Variants in TECPR2 observed in about 807,000 individuals in gnomAD.
The protein encoded by TECPR2 is tectonin beta-propeller repeat-containing protein 2.
TECPR2 carries 65 observed loss-of-function variants against 138.1 expected under a neutral mutation model. That is an observed-to-expected ratio of 0.47 (90% CI 0.39 to 0.58). The LOEUF is 0.58. TECPR2 is among the 20% of genes least tolerant of loss of function. The pLI, the probability that TECPR2 is intolerant of heterozygous loss-of-function variation, is 0.00. For synonymous variants in TECPR2, 746 were observed against 749.8 expected (o/e 0.99, Z 0.08); for missense variants, 1,553 against 1,824.5 (o/e 0.85, Z 2.71).
intron 5 of TECPR2, 33 bp from the exon 6 acceptor site, chr14:102,424,946 T>G: frequency 1.3e-6 from 2 of 1,577,176 alleles, no homozygotes; most frequent in East Asian, 4.5e-5. Flanking sequence ...CCATGTCTGT[T>G]TTTTGTTCTT....
At chr14:102,431,402 G>A (rs1441276860) in intron 7 of TECPR2, among the ~76,000 whole-genome samples, 1 of 148,596 alleles carries the variant, frequency 6.7e-6, no homozygotes, top group Non-Finnish European at 1.5e-5. Flanking sequence ...GAGTGCAGTG[G>A]CGCAATCTCG....
rs150820943 is a variant in TECPR2, at chr14:102,464,510, G to A, written c.3641-631G>A. 9.4e-3 allele frequency among the ~76,000 whole-genome samples: 1,427 copies of A among 151,886 alleles called. 20 individuals are homozygous for A. Among genetic ancestry groups the A allele is most frequent in the African/African-American group, 0.029 (1,206 of 41,428 alleles). ...TGGGCCCAACCGATCTCAGCCTCCC[G>A]AGTAGCTGGGACTACAGGTGTGTGC... On this transcript the variant is annotated intron_variant, in intron 16 of 19. Coordinates refer to ENST00000359520, the MANE Select transcript of TECPR2 (RefSeq NM_014844.5).
At chr14:102,398,452 A>G (rs1284549987) in intron 2 of TECPR2, among the ~76,000 whole-genome samples, 1 of 152,182 alleles carries the variant, frequency 6.6e-6, no homozygotes, top group East Asian at 1.9e-4. Flanking sequence ...AGCTTCCCAG[A>G]TTTGACGAGA....
chr14:102,448,027 T>A (rs990454858), intron 13 of TECPR2, among the ~76,000 whole-genome samples: 2 of 152,242 alleles, frequency 1.3e-5, no homozygotes, highest in Non-Finnish European at 2.9e-5. Context: ...CAGATGTATC[T>A]AATTTATATA....
intron 2 of TECPR2, among the ~76,000 whole-genome samples, chr14:102,401,884 A>G (rs372914764): frequency 7.9e-5 from 12 of 151,804 alleles, no homozygotes; most frequent in African/African-American, 2.7e-4. Flanking sequence ...AAGATATTCC[A>G]TGCAAATAGT....
At chr14:102,406,440 G>A (rs1001708022) in intron 2 of TECPR2, among the ~76,000 whole-genome samples, 2 of 152,204 alleles carry the variant, frequency 1.3e-5, no homozygotes, top group African/African-American at 4.8e-5. Flanking sequence ...CAGCTACTCA[G>A]TAGGCTGAGG....
At chr14:102,395,528 G>A (rs1404598523) in intron 2 of TECPR2, among the ~76,000 whole-genome samples, 3 of 152,194 alleles carry the variant, frequency 2.0e-5, no homozygotes, top group East Asian at 1.9e-4. Context: ...GGCCGGGCAC[G>A]GTGGCTCACG....
intron 17 of TECPR2, among the ~76,000 whole-genome samples, chr14:102,492,172 C>T (rs948248860): frequency 1.3e-5 from 2 of 152,244 alleles, no homozygotes; most frequent in Non-Finnish European, 2.9e-5. Context: ...GCTCTCCCAC[C>T]CTCTGAGACC....
intron 17 of TECPR2, among the ~76,000 whole-genome samples, chr14:102,472,064 T>G (rs917076361): frequency 6.6e-6 from 1 of 152,258 alleles, no homozygotes; most frequent in Non-Finnish European, 1.5e-5. Flanking sequence ...GGATGTGTTG[T>G]AGAAAGAACG....
At position 102,449,747 on chromosome 14, in the gene TECPR2, T is replaced by C. The variant is rs1890092010; in HGVS notation, c.3194T>C (p.Leu1065Pro). ...QAPVEKVADK[L>P]RMAFWSQQLQ... ...CCCGTAGAAAAGGTGGCAGATAAGCTGCGCATGGCGTTTTGGTCCCAGCAG... is the reference window on the plus strand; with the variant it reads ...CCCGTAGAAAAGGTGGCAGATAAGCCGCGCATGGCGTTTTGGTCCCAGCAG... The change falls in exon 14 of 20, where the codon CTG (leucine) becomes CCG (proline). Residue 1065 changes from leucine (L) to proline (P), a missense_variant. Physicochemically the swap from Leu to Pro is moderately conservative, Grantham distance 98 (BLOSUM62 -3). Coordinates refer to ENST00000359520, the MANE Select transcript of TECPR2 (RefSeq NM_014844.5). The C allele has an allele frequency of 1.9e-6, 3 of 1,614,134 alleles. No homozygotes were observed. The East Asian group carries it at 6.7e-5, about 36-fold the overall frequency.
At chr14:102,378,638 T>A (rs921410996) in intron 2 of TECPR2, among the ~76,000 whole-genome samples, 4 of 151,952 alleles carry the variant, frequency 2.6e-5, no homozygotes, top group African/African-American at 9.7e-5. Context: ...ATATATATAT[T>A]TTTGAGACGG....
intron 2 of TECPR2, among the ~76,000 whole-genome samples, chr14:102,377,296 C>T (rs1240394234): frequency 6.6e-6 from 1 of 152,194 alleles, no homozygotes; most frequent in African/African-American, 2.4e-5. Context: ...GCTAGGACCA[C>T]AGGGATGACT....
chr14:102,372,533 T>C (rs756275172), intron 1 of TECPR2, among the ~76,000 whole-genome samples: 3 of 152,192 alleles, frequency 2.0e-5, no homozygotes, highest in Non-Finnish European at 2.9e-5. Context: ...CCTGAAGTGC[T>C]GGGGTTTACA....
intron 2 of TECPR2, among the ~76,000 whole-genome samples, chr14:102,381,630 A>G (rs1470406052): frequency 6.6e-6 from 1 of 152,204 alleles, no homozygotes; most frequent in African/African-American, 2.4e-5. Context: ...ACTCAGTGAA[A>G]ATACCTATCA....
chr14:102,438,336 C>G, intron 10 of TECPR2, 131 bp downstream of exon 10: 1 of 1,191,574 alleles, frequency 8.4e-7, no homozygotes, highest in Non-Finnish European at 1.1e-6. Flanking sequence ...CGTGCGTTCA[C>G]CAGGTTTGCC....
rs776103748 is a variant in TECPR2, at chr14:102,501,799, G to A, written c.*3542G>A. 1.5e-4 allele frequency: 23 copies of A among 152,270 alleles called. No homozygotes were observed. Among genetic ancestry groups the A allele is most frequent in the Non-Finnish European group, 1.5e-4 (10 of 68,022 alleles). The allele number at this position is 152,270 out of a possible 1,614,324, so 9.4% of individuals were successfully genotyped here. ...AAATATATTTATTAAAAACCAATAGGAGGAGCACTTCGAGTCGAGTGTAAG... is the reference window on the plus strand; with the variant it reads ...AAATATATTTATTAAAAACCAATAGAAGGAGCACTTCGAGTCGAGTGTAAG... On this transcript the variant is annotated 3_prime_UTR_variant, in exon 20 of 20. Transcript: ENST00000359520.
chr14:102,408,094 G>A (rs188067189), intron 3 of TECPR2, among the ~76,000 whole-genome samples: 2 of 151,932 alleles, frequency 1.3e-5, no homozygotes, highest in African/African-American at 2.4e-5. Context: ...ACTTGAACCC[G>A]GGAGGCAGAG....
At chr14:102,473,366 T>C (rs1167075882) in intron 17 of TECPR2, among the ~76,000 whole-genome samples, 1 of 152,250 alleles carries the variant, frequency 6.6e-6, no homozygotes, top group African/African-American at 2.4e-5. Context: ...CTCTGAGGAC[T>C]GGAACGTCAG....
intron 16 of TECPR2, among the ~76,000 whole-genome samples, chr14:102,457,498 T>A (rs1890303772): frequency 6.6e-6 from 1 of 152,152 alleles, no homozygotes; most frequent in Non-Finnish European, 1.5e-5. Context: ...GTGGCATGCA[T>A]TGAATGGGGA....
Sources: gnomAD v4.1 joint callset for allele counts (sites outside exome capture counted in the v4.1 genomes callset) on GRCh38, gnomAD v4.1.1 for gene constraint, MANE v1.5 for transcripts, NCBI Gene and HGNC (gene_info 2026-07-23, HGNC 2026-07-21) for gene names.